Variants in ADAM12 observed in about 807,000 individuals in gnomAD.
ADAM12 encodes ADAM metallopeptidase domain 12.
In ADAM12, 70 loss-of-function variants were observed where a neutral mutation model predicts 106.4. That is an observed-to-expected ratio of 0.66 (90% confidence interval 0.54 to 0.80). ADAM12 has a LOEUF of 0.80. Ranked by LOEUF, ADAM12 falls within the 30% of genes least tolerant of loss-of-function variation. The probability of loss-of-function intolerance (pLI) is 0.00; values close to 1 mark genes in which losing one functional copy is unlikely to be tolerated. For synonymous variants in ADAM12, 420 were observed against 433.5 expected, an observed-to-expected ratio of 0.97 and a Z score of 0.39; for missense variants, 1,010 against 1,171.9, an observed-to-expected ratio of 0.86 and a Z score of 2.02.
intron 1 of ADAM12, among the ~76,000 whole-genome samples, chr10:126,360,744 T>C (rs114265409): frequency 0.013 from 2,030 of 152,326 alleles, 48 homozygotes; most frequent in African/African-American, 0.046. Context: ...CCTTTGCCTG[T>C]TGCCCAGTTC....
chr10:126,109,867 C>G, intron 6 of ADAM12, 27 bp from the exon 7 acceptor site: 1 of 1,605,170 alleles, frequency 6.2e-7, no homozygotes, highest in Non-Finnish European at 8.5e-7. Context: ...TGCACTTAAT[C>G]TCTCTTAATG....
chr10:126,310,378 G>T (rs1725858989), intron 2 of ADAM12, among the ~76,000 whole-genome samples: 1 of 152,110 alleles, frequency 6.6e-6, no homozygotes, highest in African/African-American at 2.4e-5. Flanking sequence ...TCCAGGGGCA[G>T]CAATTGCAAG....
intron 2 of ADAM12, among the ~76,000 whole-genome samples, chr10:126,282,470 T>G (rs1292073980): frequency 6.6e-6 from 1 of 152,228 alleles, no homozygotes; most frequent in Non-Finnish European, 1.5e-5. Flanking sequence ...ATCATTATCT[T>G]GATTTCCTCT....
At position 126,339,087 on chromosome 10, in the gene ADAM12, CT is replaced by C. The variant is rs1201966616; in HGVS notation, c.89-8579del. ...ATTTCTTCCCCTCCTCTGCCCAGGT[CT>C]TGCCTCCTCCACTTGAACATTCCCC... is the stretch of plus-strand genomic sequence containing the variant. On this transcript the variant is annotated intron_variant, in intron 1 of 22. Coordinates refer to ENST00000448723, the MANE Select transcript of ADAM12 (RefSeq NM_001288973.2). Among the ~76,000 whole-genome samples the C allele has an allele frequency of 2.6e-5, 4 of 152,310 alleles. No individual in the cohort carries two copies. The East Asian group carries it at 7.7e-4, about 29-fold the overall frequency.
chr10:126,222,722 C>T (rs917540690), intron 3 of ADAM12, among the ~76,000 whole-genome samples: 1 of 152,030 alleles, frequency 6.6e-6, no homozygotes, highest in African/African-American at 2.4e-5. Flanking sequence ...GTACTGATTT[C>T]AATTTTCAGG....
At chr10:126,328,508 G>C (rs1384049481) in intron 2 of ADAM12, among the ~76,000 whole-genome samples, 2 of 152,128 alleles carry the variant, frequency 1.3e-5, no homozygotes, top group African/African-American at 4.8e-5. Flanking sequence ...CTTCCCCATG[G>C]GGAATTCCTG....
chr10:126,183,216 A>G (rs1189947905), intron 3 of ADAM12, among the ~76,000 whole-genome samples: 2 of 152,200 alleles, frequency 1.3e-5, no homozygotes, highest in Non-Finnish European at 2.9e-5. Flanking sequence ...TCTACATATT[A>G]TGAGTTGTAT....
chr10:126,312,398 C>T (rs911602710), intron 2 of ADAM12, among the ~76,000 whole-genome samples: 1 of 152,202 alleles, frequency 6.6e-6, no homozygotes, highest in African/African-American at 2.4e-5. Flanking sequence ...GAAGTGAGAA[C>T]CTGGCCGTGC....
chr10:126,279,884 C>T (rs546934333), intron 2 of ADAM12, among the ~76,000 whole-genome samples: 64 of 152,334 alleles, frequency 4.2e-4, no homozygotes, highest in Non-Finnish European at 8.2e-4. Context: ...ATGATCACCA[C>T]CACACTCAAT....
chr10:126,082,395 G>GTTTTTTTT (rs1955244301), intron 11 of ADAM12, among the ~76,000 whole-genome samples: 1 of 78,422 alleles, frequency 1.3e-5, no homozygotes, highest in African/African-American at 5.4e-5. Context: ...TTTATGTGGA[G>GTTTTTTTT]TTTCGCTCTG....
At position 126,039,402 on chromosome 10, in the gene ADAM12, A is replaced by G. The variant is rs558955016; in HGVS notation, c.2132T>C (p.Leu711Pro). 6.2e-7 allele frequency: 1 copy of G among 1,614,212 alleles called. No homozygotes were observed. The highest frequency in any genetic ancestry group is 2.2e-5 in the East Asian group (1 of 44,882). The change falls in exon 19 of 23, where the codon CTG (leucine) becomes CCG (proline). Residue 711 changes from leucine (L) to proline (P), a missense_variant. Leu to Pro is a moderately conservative substitution (Grantham distance 98). This residue lies in a region of ADAM12 where 615 missense variants were observed against 708.5 expected (regional missense o/e 0.87). Transcript: ENST00000448723. Reference protein sequence around the residue: ...ADNQGLTIGILVTILCLLAAG... With the variant: ...ADNQGLTIGIPVTILCLLAAG... ...AGCAAGAAGACACAGGATGGTCACC[A>G]GAATTCCTATGGTTAAACCTTGGTT... is the stretch of plus-strand genomic sequence containing the variant.
chr10:126,319,131 G>A (rs549816151), intron 2 of ADAM12, among the ~76,000 whole-genome samples: 45 of 152,254 alleles, frequency 3.0e-4, no homozygotes, highest in Non-Finnish European at 6.2e-4. Context: ...CATTAATGTC[G>A]TTAAATGATT....
intron 5 of ADAM12, among the ~76,000 whole-genome samples, chr10:126,121,167 A>ATATATACTATATATACTATATACAC (rs1565074154): frequency 1.2e-5 from 1 of 83,764 alleles, no homozygotes; most frequent in African/African-American, 5.1e-5. Flanking sequence ...TATATATACT[A>ATATATACTATATATACTATATACAC]TATATACTAT....
At chr10:126,079,212 T>C (rs1242598027) in intron 11 of ADAM12, among the ~76,000 whole-genome samples, 2 of 150,922 alleles carry the variant, frequency 1.3e-5, no homozygotes, top group African/African-American at 4.9e-5. Flanking sequence ...CTTCGAAATA[T>C]GTAATCCAAT....
At chr10:126,128,972 T>A (rs772177814) in intron 5 of ADAM12, among the ~76,000 whole-genome samples, 2 of 146,410 alleles carry the variant, frequency 1.4e-5, no homozygotes, top group Non-Finnish European at 2.9e-5. Context: ...CCTGCGCATG[T>A]GAGTGTGAGG....
intron 2 of ADAM12, among the ~76,000 whole-genome samples, chr10:126,321,905 C>CGGGGG (rs4019511): frequency 1.1e-5 from 1 of 94,088 alleles, no homozygotes; most frequent in Non-Finnish European, 2.3e-5. Context: ...ACCTGGGGGT[C>CGGGGG]GGGGGGGGGG....
At chr10:126,121,119 A>AG (rs374650295) in intron 5 of ADAM12, among the ~76,000 whole-genome samples, 4 of 69,638 alleles carry the variant, frequency 5.7e-5, no homozygotes, top group Non-Finnish European at 1.0e-4. Context: ...TAGTATATAT[A>AG]TAGTATATAT....
intron 1 of ADAM12, among the ~76,000 whole-genome samples, chr10:126,383,347 T>C (rs1391885059): frequency 6.6e-6 from 1 of 151,796 alleles, no homozygotes; most frequent in East Asian, 1.9e-4. Flanking sequence ...GGATGAAAAA[T>C]AGATAAGAAA....
chr10:126,043,020 G>C lies in ADAM12; in HGVS notation c.2104+20C>G, dbSNP rs1294693353. On this transcript the variant is annotated intron_variant, in intron 18 of 22. Coordinates refer to ENST00000448723, the MANE Select transcript of ADAM12 (RefSeq NM_001288973.2). This position sits in a 1 kb window ranked among gnomAD's most constrained non-coding sequence, Gnocchi z 4.1. Reference sequence around the variant, plus strand: ...CAGGTGCTCAGCCTCCTCCCACCGGGATGCAGGGGCTTCACTGACCTGCTT... The same window carrying C: ...CAGGTGCTCAGCCTCCTCCCACCGGCATGCAGGGGCTTCACTGACCTGCTT... 1 of 1,611,822 alleles carries C rather than the reference G, an allele frequency of 6.2e-7. No homozygotes were observed. The highest frequency in any genetic ancestry group is 8.5e-7 in the Non-Finnish European group (1 of 1,178,718).
Sources: allele counts gnomAD v4.1 joint callset (sites outside exome capture counted in the v4.1 genomes callset), GRCh38; gene constraint gnomAD v4.1.1; regional missense constraint gnomAD v4.1.1; non-coding constraint Gnocchi (gnomAD v3.1); transcripts MANE v1.5; gene names NCBI Gene and HGNC (gene_info 2026-07-23, HGNC 2026-07-21).